Variants in TBC1D20 observed in about 807,000 individuals in gnomAD.
TBC1D20 encodes the protein TBC1 domain family member 20.
In TBC1D20, 12 loss-of-function variants were observed where a neutral mutation model predicts 41.6. The observed-to-expected ratio is 0.29, with a 90% CI of 0.18 to 0.47. The LOEUF (loss-of-function observed/expected upper bound fraction) is 0.47. TBC1D20 is among the 20% of genes least tolerant of loss of function. The pLI, the probability that TBC1D20 is intolerant of heterozygous loss-of-function variation, is 1.00. For synonymous variants in TBC1D20, 205 were observed against 204.8 expected (o/e 1.00, Z -0.01); for missense variants, 421 against 517.4 (o/e 0.81, Z 1.81).
At position 439,671 on chromosome 20, in the gene TBC1D20, A is replaced by G. The variant is rs924549026; in HGVS notation, c.769-376T>C. ...CTCCAGCATAGAAGAAATGGTTCAA[A>G]ACAGTAGAAAGAACAGTCTTGCTCC... On this transcript the variant is annotated intron_variant, in intron 6 of 7. Transcript: ENST00000354200. This position sits in a 1 kb window ranked among gnomAD's most constrained non-coding sequence, Gnocchi z 4.6. 2.0e-5 allele frequency among the ~76,000 whole-genome samples: 3 copies of G among 152,190 alleles called. No homozygotes were observed. Among genetic ancestry groups the G allele is most frequent in the African/African-American group, 7.2e-5 (3 of 41,446 alleles).
In TBC1D20 at chr20:439,357, C is replaced by A; in HGVS notation, c.769-62G>T. On this transcript the variant is annotated intron_variant, in intron 6 of 7. Transcript: ENST00000354200. The surrounding 1 kb of genome is among the most constrained non-coding windows in gnomAD (Gnocchi z 4.6). Reference sequence around the variant, plus strand: ...AGACACACAGGGCCTGGGCCACCTGCACTCCATTATCCTTGCAGATGAATT... The same window carrying A: ...AGACACACAGGGCCTGGGCCACCTGAACTCCATTATCCTTGCAGATGAATT... The A allele has an allele frequency of 7.8e-7, 1 of 1,285,022 alleles. No individual in the cohort carries two copies. The highest frequency in any genetic ancestry group is 1.1e-6 in the Non-Finnish European group (1 of 915,748). The allele number at this position is 1,285,022 out of a possible 1,614,324, so 79.6% of individuals were successfully genotyped here. A position where few individuals can be genotyped will look rare whatever the true frequency, so the allele number is the denominator to read the frequency against.
chr20:440,450 C>T lies in TBC1D20; in HGVS notation c.627-61G>A. The stretch of plus-strand genomic sequence containing the variant: ...GGGCCATCCCTTCCCTCTCTCTGGG[C>T]CTTATAGCGCTGGTGAGAAGGAAGC... On this transcript the variant is annotated intron_variant, in intron 5 of 7. Coordinates refer to ENST00000354200, the MANE Select transcript of TBC1D20 (RefSeq NM_144628.4). 1.9e-6 allele frequency: 3 copies of T among 1,578,516 alleles called. 1 individual carries two copies. In the South Asian group the frequency reaches 3.4e-5, roughly 18 times the overall value.
intron 1 of TBC1D20, 123 bp downstream of exon 1, chr20:462,213 C>A: frequency 1.7e-6 from 1 of 592,590 alleles, no homozygotes; most frequent in South Asian, 7.5e-5. Flanking sequence ...CTCTCGCCGC[C>A]CGGAACCCCG....
chr20:449,044 A>C (rs1459954148), intron 1 of TBC1D20, among the ~76,000 whole-genome samples: 1 of 150,114 alleles, frequency 6.7e-6, no homozygotes, highest in Non-Finnish European at 1.5e-5. Context: ...GATAGCGTTC[A>C]CAACGTTGGC....
In TBC1D20 at chr20:439,233, G is replaced by A; in HGVS notation, c.831C>T (p.His277=). The change falls in exon 7 of 8, where the codon CAC becomes CAT. Residue 277 remains histidine, a synonymous_variant. Coordinates refer to ENST00000354200, the MANE Select transcript of TBC1D20 (RefSeq NM_144628.4). The surrounding 1 kb of genome is among the most constrained non-coding windows in gnomAD (Gnocchi z 4.6). The part of the protein sequence containing the change: ...DCDCDMASVH[H]LLSQIPQDLP... ...AGTCCTGAGGGATCTGGGACAACAGGTGGTGGACCGAGGCCATGTCACAGT... is the reference window on the plus strand; with the variant it reads ...AGTCCTGAGGGATCTGGGACAACAGATGGTGGACCGAGGCCATGTCACAGT... The A allele has an allele frequency of 6.2e-7, 1 of 1,614,158 alleles. No homozygotes were observed. Among genetic ancestry groups the A allele is most frequent in the South Asian group, 1.1e-5 (1 of 91,080 alleles).
At chr20:454,502 G>A (rs2017508401) in intron 1 of TBC1D20, among the ~76,000 whole-genome samples, 1 of 152,010 alleles carries the variant, frequency 6.6e-6, no homozygotes, top group Non-Finnish European at 1.5e-5. Flanking sequence ...ATTTGAAGTG[G>A]AAGATATCAC....
chr20:439,163 G>T lies in TBC1D20; in HGVS notation c.901C>A (p.Gln301Lys). 1 of 1,614,068 alleles carries T rather than the reference G, an allele frequency of 6.2e-7. No individual in the cohort carries two copies. Among genetic ancestry groups the T allele is most frequent in the South Asian group, 1.1e-5 (1 of 91,042 alleles). The change falls in exon 7 of 8, where the codon CAG becomes AAG. Residue 301 changes from glutamine to lysine, a missense_variant. This residue lies in a region of TBC1D20 where 161 missense variants were observed against 182.7 expected (regional missense o/e 0.88). Transcript: ENST00000354200. The surrounding 1 kb of genome is among the most constrained non-coding windows in gnomAD (Gnocchi z 4.6). ...CGAGCAAGTTCGGATGGGGGAAACTGAACAAAAAGGTCTCCTGCTCTGCTG... is the reference window on the plus strand; with the variant it reads ...CGAGCAAGTTCGGATGGGGGAAACTTAACAAAAAGGTCTCCTGCTCTGCTG... Reference protein sequence around the residue: ...LISRAGDLFVQFPPSELAREA... With the variant: ...LISRAGDLFVKFPPSELAREA...
At position 441,965 on chromosome 20, in the gene TBC1D20, T is replaced by A. The variant is rs750450103; in HGVS notation, c.416A>T (p.Gln139Leu). The change falls in exon 4 of 8, where the codon CAG (glutamine) becomes CTG (leucine). Residue 139 changes from glutamine to leucine, a missense_variant. By Grantham distance (113) the Gln-to-Leu change is moderately radical (BLOSUM62 -2). Transcript: ENST00000354200. Reference sequence around the variant, plus strand: ...ATGGTAGCCCTGGTAGTAGTGCAGCTGAGGGTTGCGCTCCAAGATGAGGAG... The same window carrying A: ...ATGGTAGCCCTGGTAGTAGTGCAGCAGAGGGTTGCGCTCCAAGATGAGGAG... The part of the protein sequence containing the change: ...IILLILERNP[Q>L]LHYYQGYHDI... 1.2e-6 allele frequency: 2 copies of A among 1,614,058 alleles called. No individual in the cohort carries two copies. Among genetic ancestry groups the A allele is most frequent in the South Asian group, 2.2e-5 (2 of 91,068 alleles).
chr20:460,047 T>C (rs748607939), intron 1 of TBC1D20, among the ~76,000 whole-genome samples: 19 of 152,134 alleles, frequency 1.2e-4, no homozygotes, highest in Non-Finnish European at 2.6e-4. Flanking sequence ...CCAAAACAAA[T>C]ACTAACTTGG....
At chr20:442,541 A>G (rs771884802) in intron 3 of TBC1D20, among the ~76,000 whole-genome samples, 12 of 152,384 alleles carry the variant, frequency 7.9e-5, no homozygotes, top group Non-Finnish European at 1.3e-4. Flanking sequence ...GCATAAATCT[A>G]TATTTCCTTT....
Position 460,209 on chromosome 20 carries a change from G to A in TBC1D20, c.70+2127C>T, listed in dbSNP as rs55653158. On this transcript the variant is annotated intron_variant, in intron 1 of 7. Transcript: ENST00000354200. Reference sequence around the variant, plus strand: ...ATGCTAGTCTTAAAACAATGGAAGGGGGGGGCCGTTTTGTGTGGAGGGAGG... The same window carrying A: ...ATGCTAGTCTTAAAACAATGGAAGGAGGGGGCCGTTTTGTGTGGAGGGAGG... 3.9e-3 allele frequency among the ~76,000 whole-genome samples: 589 copies of A among 152,196 alleles called. 4 individuals carry two copies. The highest frequency in any genetic ancestry group is 0.013 in the African/African-American group (554 of 41,512).
At chr20:461,546 G>A (rs1046438367) in intron 1 of TBC1D20, among the ~76,000 whole-genome samples, 2 of 152,140 alleles carry the variant, frequency 1.3e-5, no homozygotes, top group Admixed American at 1.3e-4. Flanking sequence ...ACTTTTTGTA[G>A]AGATGAGGCC....
chr20:447,659 AAAAT>A (rs2017361680), intron 2 of TBC1D20, among the ~76,000 whole-genome samples: 2 of 152,284 alleles, frequency 1.3e-5, no homozygotes, highest in African/African-American at 4.8e-5. Context: ...CTCCGTCTCA[AAAAT>A]AAATAAAATA....
chr20:450,577 T>C (rs531223213), intron 1 of TBC1D20: 14 of 152,326 alleles, frequency 9.2e-5, no homozygotes, highest in African/African-American at 3.1e-4. Flanking sequence ...TTAAAAACCA[T>C]AGTAAGTAAT....
chr20:448,643 C>T (rs1166323748), intron 1 of TBC1D20, among the ~76,000 whole-genome samples: 7 of 145,850 alleles, frequency 4.8e-5, no homozygotes, highest in African/African-American at 1.8e-4. Context: ...GAGCCGAGAT[C>T]GTGCCACTGC....
chr20:438,978 G>A, intron 7 of TBC1D20, 130 bp downstream of exon 7: 1 of 1,452,414 alleles, frequency 6.9e-7, no homozygotes, highest in Non-Finnish European at 9.3e-7. Flanking sequence ...TGTCTACAGT[G>A]GGGATTCCAC....
Position 439,846 on chromosome 20 carries a change from C to T in TBC1D20, c.768+402G>A, listed in dbSNP as rs975883757. Among the ~76,000 whole-genome samples, 3 of 152,170 alleles carry T rather than the reference C, an allele frequency of 2.0e-5. No individual in the cohort carries two copies. The highest frequency in any genetic ancestry group is 6.5e-5 in the Admixed American group (1 of 15,274). ...GAAGCCCCTACCCTCCACCGCAAGC[C>T]GCCTCCCTTGTCTGTCATGACACCA... On this transcript the variant is annotated intron_variant, in intron 6 of 7. Transcript: ENST00000354200. This position sits in a 1 kb window ranked among gnomAD's most constrained non-coding sequence, Gnocchi z 4.6.
At chr20:460,982 G>C (rs1165539771) in intron 1 of TBC1D20, among the ~76,000 whole-genome samples, 1 of 152,178 alleles carries the variant, frequency 6.6e-6, no homozygotes, top group African/African-American at 2.4e-5. Flanking sequence ...AAGGGTTACG[G>C]TGCCAAAGGG....
intron 5 of TBC1D20, chr20:441,274 C>T (rs2017224862): frequency 3.8e-6 from 1 of 260,366 alleles, no homozygotes; most frequent in African/African-American, 2.2e-5. Flanking sequence ...CTTCTCGCCA[C>T]TGGATCCCAC....
Sources: gnomAD v4.1 joint callset for allele counts (sites outside exome capture counted in the v4.1 genomes callset) on GRCh38, gnomAD v4.1.1 for gene constraint, gnomAD v4.1.1 regional missense constraint, Gnocchi (gnomAD v3.1) non-coding constraint, MANE v1.5 for transcripts, NCBI Gene and HGNC (gene_info 2026-07-23, HGNC 2026-07-21) for gene names.